The following RAD17 variants were observed in gnomAD, a reference collection of about 807,000 sequenced individuals.
RAD17 encodes cell cycle checkpoint protein RAD17.
RAD17 carries 31 observed loss-of-function variants against 81.5 expected under a neutral mutation model. The observed-to-expected ratio is 0.38, with a 90% CI of 0.29 to 0.51. The LOEUF (loss-of-function observed/expected upper bound fraction) is 0.51. Among genes scored for constraint, RAD17 ranks in the 20% least tolerant of loss-of-function variants. RAD17 has a pLI of 0.88. For synonymous variants in RAD17, 261 were observed against 266.2 expected (o/e 0.98, Z 0.19); for missense variants, 681 against 781.2 (o/e 0.87, Z 1.53).
intron 18 of RAD17, among the ~76,000 whole-genome samples, chr5:69,411,321 GAA>G (rs1364492567): frequency 6.6e-6 from 1 of 152,012 alleles, no homozygotes; most frequent in Non-Finnish European, 1.5e-5. Context: ...TGAGGCAGGA[GAA>G]TCGCTTCAAC....
chr5:69,384,730 A>G, intron 7 of RAD17, 67 bp from the exon 8 acceptor site: 1 of 1,420,142 alleles, frequency 7.0e-7, no homozygotes, highest in Non-Finnish European at 9.7e-7. Context: ...GTGTGTGTAC[A>G]TACAGATGTA....
In RAD17 at chr5:69,377,373, ATTGGTG is replaced by A. The variant is rs1173349164; in HGVS notation, c.351+2665_351+2670del. ...AAACATTGTCACATCATAAACCTAC[ATTGGTG>A]TTACTATTATTATTCTACCAGTTGG... On this transcript the variant is annotated intron_variant, in intron 6 of 18. Coordinates refer to ENST00000354868, the MANE Select transcript of RAD17 (RefSeq NM_133338.3). Among the ~76,000 whole-genome samples, 3 of 145,182 alleles carry A rather than the reference ATTGGTG, an allele frequency of 2.1e-5. No individual in the cohort carries two copies. In the East Asian group the frequency reaches 6.1e-4, roughly 30 times the overall value.
In RAD17 at chr5:69,391,982, C is replaced by T. The variant is rs1370533555; in HGVS notation, c.1158C>T (p.Phe386=). 9.7e-6 allele frequency: 15 copies of T among 1,553,152 alleles called. No individual in the cohort carries two copies. Among genetic ancestry groups the T allele is most frequent in the African/African-American group, 4.3e-5 (3 of 70,444 alleles). ...GCAAAGATGTTTCTCTGTTTCTCTTCAGAGCTTTGGGGAAAATTCTATATT... is the reference window on the plus strand; with the variant it reads ...GCAAAGATGTTTCTCTGTTTCTCTTTAGAGCTTTGGGGAAAATTCTATATT... The part of the protein sequence containing the change: ...IGGKDVSLFL[F]RALGKILYCK... Residue 386 remains phenylalanine, a synonymous_variant, in exon 13 of 19, where the codon TTC becomes TTT. Coordinates refer to ENST00000354868, the MANE Select transcript of RAD17 (RefSeq NM_133338.3).
At chr5:69,405,618 G>A (rs914479978) in intron 17 of RAD17, among the ~76,000 whole-genome samples, 2 of 151,716 alleles carry the variant, frequency 1.3e-5, no homozygotes, top group Non-Finnish European at 2.9e-5. Flanking sequence ...AGTGAGCCAC[G>A]ATCACGCCAT....
intron 15 of RAD17, among the ~76,000 whole-genome samples, chr5:69,394,646 A>C (rs898113246): frequency 2.6e-5 from 4 of 152,316 alleles, no homozygotes; most frequent in Middle Eastern, 3.4e-3. Flanking sequence ...CCAGTACTTG[A>C]TAACTGCATG....
In RAD17 at chr5:69,400,112, C is replaced by T. The variant is rs1262997274; in HGVS notation, c.1636C>T (p.Leu546Phe). The T allele has an allele frequency of 1.9e-6, 3 of 1,603,932 alleles. No individual in the cohort carries two copies. Among genetic ancestry groups the T allele is most frequent in the Non-Finnish European group, 2.6e-6 (3 of 1,175,464 alleles). Residue 546 changes from leucine (L) to phenylalanine (F), a missense_variant, in exon 17 of 19, where the codon CTC becomes TTC. Transcript: ENST00000354868. ...FPDFCLPALC[L>F]QTQLLPYLAL... ...TGACTTCTGCCTACCAGCTTTATGC[C>T]TCCAAACTCAGCTATTGCCATACCT...
intron 16 of RAD17, among the ~76,000 whole-genome samples, chr5:69,398,090 C>A (rs1436824973): frequency 6.6e-6 from 1 of 151,536 alleles, no homozygotes; most frequent in African/African-American, 2.4e-5. Context: ...GCACTCCAGC[C>A]TGAGAGACAG....
At position 69,407,599 on chromosome 5, in the gene RAD17, C is replaced by G. The variant is rs181396694; in HGVS notation, c.1694-2894C>G. Among the ~76,000 whole-genome samples the G allele has an allele frequency of 1.8e-3, 152 of 86,526 alleles. 2 individuals are homozygous for G. In the East Asian group the frequency reaches 0.062, roughly 35 times the overall value. The allele number at this position is 86,526 out of a possible 152,430, so 56.8% of individuals were successfully genotyped here. On this transcript the variant is annotated intron_variant, in intron 17 of 18. Transcript: ENST00000354868. ...TTTTTTTTTTTTTTTTTTTTGGAGA[C>G]AGAGTCGCCCTCTGTTGTCCAGGCT...
At chr5:69,411,311 T>C (rs1173298349) in intron 18 of RAD17, among the ~76,000 whole-genome samples, 1 of 151,934 alleles carries the variant, frequency 6.6e-6, no homozygotes, top group Non-Finnish European at 1.5e-5. Flanking sequence ...CTCAGGAGGC[T>C]GAGGCAGGAG....
At chr5:69,402,214 AT>A (rs1175894091) in intron 17 of RAD17, among the ~76,000 whole-genome samples, 1 of 150,426 alleles carries the variant, frequency 6.6e-6, no homozygotes, top group African/African-American at 2.4e-5. Flanking sequence ...CACCCGGCTA[AT>A]TTTTTTTGTA....
At chr5:69,389,423 AC>A (rs1207399779) in intron 12 of RAD17, among the ~76,000 whole-genome samples, 1 of 152,200 alleles carries the variant, frequency 6.6e-6, no homozygotes, top group Non-Finnish European at 1.5e-5. Context: ...TCTGCCACTT[AC>A]CAGTTATATA....
intron 17 of RAD17, among the ~76,000 whole-genome samples, chr5:69,406,300 A>G (rs1168409): frequency 0.34 from 52,050 of 152,006 alleles, 10,441 homozygotes; most frequent in Non-Finnish European, 0.46. Flanking sequence ...AGAAAGACAA[A>G]TATTGCATAT....
At chr5:69,388,999 A>G in intron 11 of RAD17, 35 bp from the exon 12 acceptor site, 1 of 1,146,210 alleles carries the variant, frequency 8.7e-7, no homozygotes, top group Non-Finnish European at 1.2e-6. Context: ...TTTTTAAGAA[A>G]ATACTTTTTT....
At chr5:69,407,265 G>A (rs533931380) in intron 17 of RAD17, among the ~76,000 whole-genome samples, 1 of 152,080 alleles carries the variant, frequency 6.6e-6, no homozygotes, top group East Asian at 1.9e-4. Flanking sequence ...GGCCTGTGTA[G>A]TAGAATTTTT....
At chr5:69,402,799 T>C (rs1047865674) in intron 17 of RAD17, among the ~76,000 whole-genome samples, 37 of 152,328 alleles carry the variant, frequency 2.4e-4, no homozygotes, top group African/African-American at 8.2e-4. Context: ...CATGCACATA[T>C]ATGTATTATT....
chr5:69,377,680 T>TATATATATGC lies in RAD17; in HGVS notation c.351+2977_351+2978insGCATATATAT, dbSNP rs1561240619. ...ATATATGTATACATATATATATGCA[T>TATATATATGC]ATATATATATGTATACATATATATA... On this transcript the variant is annotated intron_variant, in intron 6 of 18. Transcript: ENST00000354868. 1.2e-3 allele frequency among the ~76,000 whole-genome samples: 6 copies of TATATATATGC among 4,886 alleles called. 1 individual carries two copies. Among genetic ancestry groups the TATATATATGC allele is most frequent in the Non-Finnish European group, 7.4e-3 (5 of 672 alleles). 3.2% of individuals were successfully genotyped at this position (4,886 alleles called of 152,430 possible).
intron 6 of RAD17, among the ~76,000 whole-genome samples, chr5:69,381,055 C>T (rs1163081718): frequency 6.6e-6 from 1 of 151,976 alleles, no homozygotes; most frequent in Non-Finnish European, 1.5e-5. Context: ...AGGTGTGAGC[C>T]GCCGTGCTCT....
chr5:69,404,241 TAAAC>T (rs1248621925), intron 17 of RAD17, among the ~76,000 whole-genome samples: 2 of 151,850 alleles, frequency 1.3e-5, no homozygotes, highest in Non-Finnish European at 1.5e-5. Flanking sequence ...AAAGCAAAAA[TAAAC>T]AAATAGGATT....
intron 16 of RAD17, among the ~76,000 whole-genome samples, chr5:69,399,594 A>G (rs991971955): frequency 1.3e-5 from 2 of 152,208 alleles, no homozygotes; most frequent in Non-Finnish European, 2.9e-5. Flanking sequence ...TATAGCATAT[A>G]TATTAATTTT....
Sources: gnomAD v4.1 joint callset for allele counts (sites outside exome capture counted in the v4.1 genomes callset) on GRCh38, gnomAD v4.1.1 for gene constraint, MANE v1.5 for transcripts, NCBI Gene and HGNC (gene_info 2026-07-23, HGNC 2026-07-21) for gene names.